The following ITSN1 variants were observed in gnomAD, a reference collection of about 807,000 sequenced individuals.
The protein encoded by ITSN1 is intersectin-1.
In ITSN1, 58 loss-of-function variants were observed where a neutral mutation model predicts 239.8. The observed-to-expected ratio is 0.24, with a 90% CI of 0.20 to 0.30. The LOEUF is 0.30. Ranked by LOEUF, ITSN1 falls within the 10% of genes least tolerant of loss-of-function variation. The pLI, the probability that ITSN1 is intolerant of heterozygous loss-of-function variation, is 1.00. For synonymous variants in ITSN1, 780 were observed against 770.8 expected (o/e 1.01, Z -0.20); for missense variants, 1,558 against 2,103.3 (o/e 0.74, Z 5.07).
In ITSN1 at chr21:33,672,747, C is replaced by T. The variant is rs185942753; in HGVS notation, c.-33+30034C>T. Among the ~76,000 whole-genome samples the T allele has an allele frequency of 1.1e-4, 17 of 150,578 alleles. No individual in the cohort carries two copies. The East Asian group carries it at 3.3e-3, about 29-fold the overall frequency. Reference sequence around the variant, plus strand: ...TTTTTTTTTGAGACGGAGTCTCCTTCTGTCGCCAGGCTGGAGTGCGGTGGC... The same window carrying T: ...TTTTTTTTTGAGACGGAGTCTCCTTTTGTCGCCAGGCTGGAGTGCGGTGGC... On this transcript the variant is annotated intron_variant, in intron 1 of 39. Transcript: ENST00000381318.
intron 1 of ITSN1, among the ~76,000 whole-genome samples, chr21:33,677,502 G>A (rs1410674390): frequency 6.6e-6 from 1 of 152,054 alleles, no homozygotes; most frequent in Admixed American, 6.5e-5. Flanking sequence ...ACCATGTCCA[G>A]CTAATTTTTA....
chr21:33,787,278 A>G (rs2070750817), intron 16 of ITSN1, among the ~76,000 whole-genome samples: 1 of 152,228 alleles, frequency 6.6e-6, no homozygotes, highest in African/African-American at 2.4e-5. Context: ...GCATGTTTCC[A>G]TCATGGGAGA....
In ITSN1 at chr21:33,729,894, A is replaced by G. The variant is rs2066062499; in HGVS notation, c.186-5150A>G. Among the ~76,000 whole-genome samples the G allele has an allele frequency of 2.0e-5, 3 of 152,168 alleles. No homozygotes were observed. The South Asian group carries it at 6.2e-4, about 32-fold the overall frequency. ...GACTCAGCTTTCAGCTTACTTTTCT[A>G]CCTTTTGCATAGTGAATTGAAGTCC... is the stretch of plus-strand genomic sequence containing the variant. On this transcript the variant is annotated intron_variant, in intron 4 of 39. Coordinates refer to ENST00000381318, the MANE Select transcript of ITSN1 (RefSeq NM_003024.3).
chr21:33,651,886 A>G (rs973169592), intron 1 of ITSN1, among the ~76,000 whole-genome samples: 2 of 152,228 alleles, frequency 1.3e-5, no homozygotes, highest in Non-Finnish European at 2.9e-5. Flanking sequence ...AACCACAGTC[A>G]TTATCTGTTA....
At chr21:33,672,931 C>T (rs958270030) in intron 1 of ITSN1, among the ~76,000 whole-genome samples, 3 of 152,112 alleles carry the variant, frequency 2.0e-5, no homozygotes, top group African/African-American at 7.2e-5. Context: ...AGGATGGTCT[C>T]GATCTCTTGA....
At chr21:33,652,968 T>G (rs904249558) in intron 1 of ITSN1, among the ~76,000 whole-genome samples, 2 of 151,614 alleles carry the variant, frequency 1.3e-5, no homozygotes, top group Admixed American at 1.3e-4. Flanking sequence ...ACAACTATAA[T>G]CCACTTAAAG....
At chr21:33,662,531 G>C (rs2089639069) in intron 1 of ITSN1, among the ~76,000 whole-genome samples, 1 of 152,130 alleles carries the variant, frequency 6.6e-6, no homozygotes, top group Non-Finnish European at 1.5e-5. Context: ...TGGTATTATA[G>C]TTAGGTCTAG....
chr21:33,708,567 A>T (rs1173891950), intron 1 of ITSN1, among the ~76,000 whole-genome samples: 1 of 6,138 alleles, frequency 1.6e-4, no homozygotes, highest in African/African-American at 7.9e-4. Context: ...TTGTATTTTT[A>T]GTAGAGACGG....
At chr21:33,757,756 A>G (rs2068025396) in intron 8 of ITSN1, among the ~76,000 whole-genome samples, 2 of 152,306 alleles carry the variant, frequency 1.3e-5, no homozygotes, top group African/African-American at 4.8e-5. Context: ...AAGTTGAGAA[A>G]AGGTTTCAGT....
intron 9 of ITSN1, among the ~76,000 whole-genome samples, chr21:33,763,419 C>T (rs906729071): frequency 6.6e-6 from 1 of 152,000 alleles, no homozygotes; most frequent in Non-Finnish European, 1.5e-5. Flanking sequence ...ACATTTTGGG[C>T]CCGATAAATC....
Position 33,882,644 on chromosome 21 carries a change from T to G in ITSN1, c.4554+189T>G, listed in dbSNP as rs16990987. Among the ~76,000 whole-genome samples, 3,504 of 151,966 alleles carry G rather than the reference T, an allele frequency of 0.023. 119 individuals are homozygous for G. The highest frequency in any genetic ancestry group is 0.076 in the African/African-American group (3,151 of 41,298). ...TATCCCGCCGCAGTGTCAGTGACACTCAGTGCTATCGGTGGAACATATTGG... is the reference window on the plus strand; with the variant it reads ...TATCCCGCCGCAGTGTCAGTGACACGCAGTGCTATCGGTGGAACATATTGG... On this transcript the variant is annotated intron_variant, in intron 35 of 39. Coordinates refer to ENST00000381318, the MANE Select transcript of ITSN1 (RefSeq NM_003024.3). This position sits in a 1 kb window ranked among gnomAD's most constrained non-coding sequence, Gnocchi z 4.5.
chr21:33,775,846 T>C lies in ITSN1; in HGVS notation c.1596+738T>C, dbSNP rs373610323. 1.6e-4 allele frequency among the ~76,000 whole-genome samples: 25 copies of C among 152,314 alleles called. No individual in the cohort carries two copies. In the South Asian group the frequency reaches 4.6e-3, roughly 28 times the overall value. ...ATAGTTGGAGACATACAGAGCACTT[T>C]TAGTAGTTCTGTCTTCATTTTAAAG... On this transcript the variant is annotated intron_variant, in intron 14 of 39. Coordinates refer to ENST00000381318, the MANE Select transcript of ITSN1 (RefSeq NM_003024.3).
At chr21:33,760,645 A>G (rs1029711196) in intron 8 of ITSN1, among the ~76,000 whole-genome samples, 5 of 152,242 alleles carry the variant, frequency 3.3e-5, no homozygotes, top group Admixed American at 2.6e-4. Flanking sequence ...AGACTAAGCC[A>G]GGACTAGAGC....
Position 33,891,636 on chromosome 21 carries a change from T to C in ITSN1, c.*3336T>C, listed in dbSNP as rs944674627. On this transcript the variant is annotated 3_prime_UTR_variant, in exon 40 of 40. Transcript: ENST00000381318. ...GCCTTCCAAGGCTAAGCAGGCCGGCTGTCTCTCCAGGAACTGGCTAGGACA... is the reference window on the plus strand; with the variant it reads ...GCCTTCCAAGGCTAAGCAGGCCGGCCGTCTCTCCAGGAACTGGCTAGGACA... 1 of 152,186 alleles carries C rather than the reference T, an allele frequency of 6.6e-6. No individual in the cohort carries two copies. The highest frequency in any genetic ancestry group is 1.5e-5 in the Non-Finnish European group (1 of 68,044). 9.4% of individuals were successfully genotyped at this position (152,186 alleles called of 1,614,324 possible). A position where few individuals can be genotyped will look rare whatever the true frequency, so the allele number is the denominator to read the frequency against.
At chr21:33,682,667 A>G (rs1014358677) in intron 1 of ITSN1, among the ~76,000 whole-genome samples, 3 of 152,082 alleles carry the variant, frequency 2.0e-5, no homozygotes, top group Non-Finnish European at 2.9e-5. Flanking sequence ...AGCTGGCACT[A>G]CAGGTGTGCA....
chr21:33,760,016 T>C (rs1384218316), intron 8 of ITSN1, among the ~76,000 whole-genome samples: 1 of 151,506 alleles, frequency 6.6e-6, no homozygotes, highest in African/African-American at 2.4e-5. Context: ...GGCAGAAGAA[T>C]CATTGAACCC....
Position 33,782,206 on chromosome 21 carries a change from A to G in ITSN1, c.1824+73A>G, listed in dbSNP as rs1012664641. On this transcript the variant is annotated intron_variant, in intron 16 of 39. Transcript: ENST00000381318. Reference sequence around the variant, plus strand: ...TTAACTGTCCAAATGATTAGTTGCTATTTAATCACAGGCAGAAAAATTTAT... The same window carrying G: ...TTAACTGTCCAAATGATTAGTTGCTGTTTAATCACAGGCAGAAAAATTTAT... 31 of 1,418,674 alleles carry G rather than the reference A, an allele frequency of 2.2e-5. 1 individual carries two copies. Among genetic ancestry groups the G allele is most frequent in the South Asian group, 1.9e-4 (15 of 80,106 alleles). The allele number at this position is 1,418,674 out of a possible 1,614,324, so 87.9% of individuals were successfully genotyped here.
intron 29 of ITSN1, chr21:33,838,117 T>G (rs1004434331): frequency 5.9e-5 from 58 of 985,310 alleles, no homozygotes; most frequent in Non-Finnish European, 6.9e-5. Flanking sequence ...GTGTTAGATA[T>G]GCTGTAGCTG....
intron 1 of ITSN1, among the ~76,000 whole-genome samples, chr21:33,662,199 C>T (rs1002471837): frequency 8.5e-5 from 13 of 152,126 alleles, no homozygotes; most frequent in Non-Finnish European, 1.5e-4. Context: ...CTATCTGTCC[C>T]TTATCCTTTA....
Sources: allele counts gnomAD v4.1 joint callset (sites outside exome capture counted in the v4.1 genomes callset), GRCh38; gene constraint gnomAD v4.1.1; non-coding constraint Gnocchi (gnomAD v3.1); transcripts MANE v1.5; gene names NCBI Gene and HGNC (gene_info 2026-07-23, HGNC 2026-07-21).